PHLPP1: variants seen among roughly 807,000 people sequenced by gnomAD.
PHLPP1 encodes PH domain and leucine rich repeat protein phosphatase 1, also known as PH domain leucine-rich repeat-containing protein phosphatase 1.
Under a neutral mutation model 117.2 loss-of-function variants are expected in PHLPP1, and 42 were observed. That is an observed-to-expected ratio of 0.36 (90% confidence interval 0.28 to 0.46). The LOEUF is 0.46. Among genes scored for constraint, PHLPP1 ranks in the 20% least tolerant of loss-of-function variants. The pLI is 1.00. For missense variants in PHLPP1, 2,084 were observed against 2,241.9 expected (o/e 0.93, Z 1.42); for synonymous variants, 1,042 against 970.7 (o/e 1.07, Z -1.37).
At chr18:62,836,279 C>G (rs902451736) in intron 2 of PHLPP1, among the ~76,000 whole-genome samples, 1 of 150,974 alleles carries the variant, frequency 6.6e-6, no homozygotes, top group African/African-American at 2.4e-5. Context: ...ACTAAAAATA[C>G]AAAAATTGGT....
intron 14 of PHLPP1, among the ~76,000 whole-genome samples, chr18:62,965,718 C>T (rs1425009241): frequency 6.6e-6 from 1 of 151,418 alleles, no homozygotes; most frequent in African/African-American, 2.4e-5. Flanking sequence ...CTCAGCCTCC[C>T]AAAGTGCTGG....
chr18:62,956,041 A>G (rs1030557120), intron 12 of PHLPP1, among the ~76,000 whole-genome samples: 4 of 152,232 alleles, frequency 2.6e-5, no homozygotes, highest in Admixed American at 1.3e-4. Context: ...GAAAAAAACA[A>G]AACAAAGCAA....
chr18:62,884,080 T>C (rs1197238592), intron 4 of PHLPP1, among the ~76,000 whole-genome samples: 1 of 152,244 alleles, frequency 6.6e-6, no homozygotes, highest in Non-Finnish European at 1.5e-5. Context: ...AGGAATGGAA[T>C]ACATTATGGT....
chr18:62,878,446 G>C (rs771901644), intron 4 of PHLPP1, among the ~76,000 whole-genome samples: 1 of 152,184 alleles, frequency 6.6e-6, no homozygotes, highest in Non-Finnish European at 1.5e-5. Flanking sequence ...ACGCATGTCA[G>C]TTTTGAAAAC....
At chr18:62,807,923 T>C (rs1241196703) in intron 1 of PHLPP1, among the ~76,000 whole-genome samples, 1 of 152,152 alleles carries the variant, frequency 6.6e-6, no homozygotes, top group African/African-American at 2.4e-5. Flanking sequence ...CTGTAGACTG[T>C]ATAAACACTG....
At chr18:62,950,676 A>G (rs1400135527) in intron 12 of PHLPP1, among the ~76,000 whole-genome samples, 2 of 152,154 alleles carry the variant, frequency 1.3e-5, no homozygotes, top group Non-Finnish European at 2.9e-5. Flanking sequence ...AGACGTAAAA[A>G]CGTCAGCTTG....
intron 1 of PHLPP1, among the ~76,000 whole-genome samples, chr18:62,739,538 C>G (rs1911463150): frequency 1.3e-5 from 2 of 151,966 alleles, no homozygotes; most frequent in Non-Finnish European, 2.9e-5. Context: ...TAAGTTATAT[C>G]TCAGTGGAAG....
chr18:62,942,714 C>T (rs887375025), intron 11 of PHLPP1, among the ~76,000 whole-genome samples: 1 of 152,098 alleles, frequency 6.6e-6, no homozygotes, highest in Non-Finnish European at 1.5e-5. Context: ...AACACACACC[C>T]ACGCATCAAA....
intron 3 of PHLPP1, among the ~76,000 whole-genome samples, chr18:62,856,113 G>A (rs74777134): frequency 0.069 from 10,435 of 152,192 alleles, 431 homozygotes; most frequent in Middle Eastern, 0.12. Context: ...CTGCCAACAC[G>A]GAGGGCTGAG....
rs773649831 is a variant in PHLPP1, at chr18:62,838,660, G to T, written c.1774-124G>T. On this transcript the variant is annotated intron_variant, in intron 2 of 16. Coordinates refer to ENST00000262719, the MANE Select transcript of PHLPP1 (RefSeq NM_194449.4). ...ATGCAGGAACTTAGTTCTCATTAAT[G>T]AGTAACATATATAGGGAAACATGCA... 3 of 856,626 alleles carry T rather than the reference G, an allele frequency of 3.5e-6. No homozygotes were observed. The South Asian group carries it at 6.2e-5, about 18-fold the overall frequency. 53.1% of individuals were successfully genotyped at this position (856,626 alleles called of 1,614,324 possible).
chr18:62,876,165 T>C (rs1054194670), intron 4 of PHLPP1, among the ~76,000 whole-genome samples: 45 of 152,268 alleles, frequency 3.0e-4, no homozygotes, highest in African/African-American at 1.0e-3. Flanking sequence ...TAAGAGAGGA[T>C]TTGAAGTTGG....
chr18:62,794,841 GTGTT>G (rs1913577642), intron 1 of PHLPP1, among the ~76,000 whole-genome samples: 1 of 152,152 alleles, frequency 6.6e-6, no homozygotes, highest in African/African-American at 2.4e-5. Context: ...CTGTAGTGTG[GTGTT>G]TTCAGTGCTG....
At chr18:62,977,855 G>A (rs558563780) in intron 16 of PHLPP1, among the ~76,000 whole-genome samples, 1 of 152,274 alleles carries the variant, frequency 6.6e-6, no homozygotes, top group South Asian at 2.1e-4. Context: ...CCCGTCTGAG[G>A]GCCGATCCTT....
chr18:62,828,578 A>C (rs1470422627), intron 1 of PHLPP1, among the ~76,000 whole-genome samples: 1 of 152,168 alleles, frequency 6.6e-6, no homozygotes, highest in East Asian at 1.9e-4. Context: ...GAAGAAGTGA[A>C]ATTCGAACCT....
Position 62,715,755 on chromosome 18 carries a change from G to C in PHLPP1, c.72G>C (p.Pro24=), listed in dbSNP as rs1480742670. The change falls in exon 1 of 17, where the codon CCG becomes CCC. Residue 24 remains proline, a synonymous_variant. Coordinates refer to ENST00000262719, the MANE Select transcript of PHLPP1 (RefSeq NM_194449.4). ...GCAGGGAGGACCGAGCTTCGGCTCC[G>C]GCGGCCGCCGCTGCGGCAGCAGCAG... is the stretch of plus-strand genomic sequence containing the variant. ...ELGREDRASA[P]AAAAAAAAAA... is the part of the protein sequence containing the mutation. The C allele has an allele frequency of 2.7e-6, 3 of 1,118,454 alleles. No homozygotes were observed. Among genetic ancestry groups the C allele is most frequent in the Non-Finnish European group, 3.3e-6 (3 of 907,144 alleles). The allele number at this position is 1,118,454 out of a possible 1,614,324, so 69.3% of individuals were successfully genotyped here.
At position 62,778,398 on chromosome 18, in the gene PHLPP1, A is replaced by G. The variant is rs532437016; in HGVS notation, c.1577-51637A>G. ...TAACTTAAAGAGAATAATCTGGAAG[A>G]CTAAATATAGCCTTTAGTTTAATTA... On this transcript the variant is annotated intron_variant, in intron 1 of 16. Transcript: ENST00000262719. Among the ~76,000 whole-genome samples, 12 of 152,362 alleles carry G rather than the reference A, an allele frequency of 7.9e-5. No individual in the cohort carries two copies. The South Asian group carries it at 1.4e-3, about 18-fold the overall frequency.
intron 4 of PHLPP1, among the ~76,000 whole-genome samples, chr18:62,888,199 C>G (rs1916326590): frequency 6.6e-6 from 1 of 151,302 alleles, no homozygotes; most frequent in Non-Finnish European, 1.5e-5. Context: ...TGTTGAACAG[C>G]TATGAAGAAA....
chr18:62,896,459 T>C (rs182576008), intron 6 of PHLPP1, among the ~76,000 whole-genome samples: 2 of 151,998 alleles, frequency 1.3e-5, no homozygotes, highest in East Asian at 3.9e-4. Context: ...GCCTGGCTAA[T>C]TTTTTTGTAT....
intron 1 of PHLPP1, among the ~76,000 whole-genome samples, chr18:62,808,312 G>T (rs1914010099): frequency 6.6e-6 from 1 of 152,166 alleles, no homozygotes; most frequent in Non-Finnish European, 1.5e-5. Context: ...GCTGGAGATA[G>T]AAATTGGGAA....
Sources: gnomAD v4.1 joint callset for allele counts (sites outside exome capture counted in the v4.1 genomes callset) on GRCh38, gnomAD v4.1.1 for gene constraint, MANE v1.5 for transcripts, NCBI Gene and HGNC (gene_info 2026-07-23, HGNC 2026-07-21) for gene names.